Variants in TG observed in about 807,000 individuals in gnomAD.
TG encodes the protein thyroid hormones.
A neutral mutation model predicts 324.7 loss-of-function variants in TG; 270 were observed. The ratio of observed to expected loss-of-function variants is 0.83; its 90% CI spans 0.75 to 0.92. TG has a LOEUF of 0.92. Among genes scored for constraint, TG ranks in the 40% least tolerant of loss-of-function variants. TG has a pLI of 0.00. For synonymous variants in TG, 1,401 were observed against 1,327.0 expected, an observed-to-expected ratio of 1.06 and a Z score of -1.21; for missense variants, 3,591 against 3,456.4, an observed-to-expected ratio of 1.04 and a Z score of -0.98.
chr8:132,916,488 G>A (rs1820303814), intron 20 of TG, among the ~76,000 whole-genome samples: 1 of 152,134 alleles, frequency 6.6e-6, no homozygotes, highest in African/African-American at 2.4e-5. Context: ...TCTGGGACAT[G>A]GCCTTGATGT....
chr8:133,048,577 C>T (rs972395892), intron 41 of TG: 3 of 156,370 alleles, frequency 1.9e-5, no homozygotes, highest in African/African-American at 7.2e-5. Context: ...GATTGGTAGC[C>T]TCATAGGGTC....
chr8:132,993,499 C>T (rs1832582250), intron 35 of TG, among the ~76,000 whole-genome samples: 1 of 152,192 alleles, frequency 6.6e-6, no homozygotes, highest in East Asian at 1.9e-4. Context: ...AATGGCTGTA[C>T]TCAATGCTCA....
chr8:132,932,928 T>G (rs1254441019), intron 23 of TG, among the ~76,000 whole-genome samples: 1 of 152,178 alleles, frequency 6.6e-6, no homozygotes, highest in Non-Finnish European at 1.5e-5. Context: ...AAGGTTTAAT[T>G]TAGGCAGATA....
chr8:132,891,289 G>A (rs1345671522), intron 10 of TG, among the ~76,000 whole-genome samples: 1 of 152,012 alleles, frequency 6.6e-6, no homozygotes, highest in Non-Finnish European at 1.5e-5. Flanking sequence ...AGGAGGGGAG[G>A]GGATGCAGGA....
chr8:132,900,523 C>T lies in TG; in HGVS notation c.3433+184C>T, dbSNP rs529003336. On this transcript the variant is annotated intron_variant, in intron 15 of 47. Coordinates refer to ENST00000220616, the MANE Select transcript of TG (RefSeq NM_003235.5). ...TCGGGGCAATATTCCCCCATCTCTGCAGTTTCTTGGGAGAAGCAAACGTGG... is the reference window on the plus strand; with the variant it reads ...TCGGGGCAATATTCCCCCATCTCTGTAGTTTCTTGGGAGAAGCAAACGTGG... Among the ~76,000 whole-genome samples the T allele has an allele frequency of 3.9e-5, 6 of 152,316 alleles. No homozygotes were observed. The South Asian group carries it at 1.0e-3, about 26-fold the overall frequency.
intron 43 of TG, among the ~76,000 whole-genome samples, chr8:133,111,576 C>CAGACT (rs1207306969): frequency 9.9e-5 from 15 of 152,096 alleles, no homozygotes; most frequent in African/African-American, 3.6e-4. Flanking sequence ...ATTTTTTGAA[C>CAGACT]AGACTAGACT....
Position 132,929,095 on chromosome 8 carries a change from G to A in TG, c.4719G>A (p.Lys1573=). The change falls in exon 23 of 48, where the codon AAG becomes AAA. Residue 1573 remains lysine (K), a synonymous_variant. Transcript: ENST00000220616. ...TTTTAGTGATGCAGAAGTTTGAGAA[G>A]GTTCCAGAATCAAAGGTGATCTTCG... ...SQCLMMQKFE[K]VPESKVIFDA... is the part of the protein sequence containing the mutation. The A allele has an allele frequency of 6.2e-7, 1 of 1,614,036 alleles. No homozygotes were observed. Among genetic ancestry groups the A allele is most frequent in the Non-Finnish European group, 8.5e-7 (1 of 1,180,012 alleles).
intron 45 of TG, among the ~76,000 whole-genome samples, chr8:133,118,414 T>A (rs970783060): frequency 6.0e-5 from 8 of 134,292 alleles, no homozygotes; most frequent in Admixed American, 5.2e-4. Context: ...AACCTCCACC[T>A]CCCGGATTCA....
intron 25 of TG, 117 bp from the exon 26 acceptor site, chr8:132,941,234 C>G: frequency 8.0e-7 from 1 of 1,255,204 alleles, no homozygotes; most frequent in Non-Finnish European, 1.2e-6. Flanking sequence ...TTGGCCCACA[C>G]GCTGCCTGGA....
At chr8:133,055,224 G>C (rs906899565) in intron 41 of TG, among the ~76,000 whole-genome samples, 1 of 152,098 alleles carries the variant, frequency 6.6e-6, no homozygotes, top group Admixed American at 6.5e-5. Context: ...AGGGCAACTG[G>C]TGGGTAGGGA....
At chr8:133,043,349 G>T (rs566585348) in intron 41 of TG, among the ~76,000 whole-genome samples, 3 of 152,136 alleles carry the variant, frequency 2.0e-5, no homozygotes, top group Non-Finnish European at 4.4e-5. Context: ...CACCCCCTCC[G>T]ATGGTTGTTA....
rs532244675 is a variant in TG, at chr8:132,898,283, C to G, written c.3217+37C>G. ...CTGCAGAGTTCTCCTCCTGACCCCC[C>G]TTGGTGGGCATCACTGGTCTAGTCA... On this transcript the variant is annotated intron_variant, in intron 13 of 47. Coordinates refer to ENST00000220616, the MANE Select transcript of TG (RefSeq NM_003235.5). 4.5e-6 allele frequency: 7 copies of G among 1,550,684 alleles called. No individual in the cohort carries two copies. In the East Asian group the frequency reaches 1.2e-4, roughly 26 times the overall value.
chr8:132,908,359 C>T lies in TG; in HGVS notation c.4002+19C>T, dbSNP rs771210099. 3.3e-6 allele frequency: 5 copies of T among 1,520,696 alleles called. No individual in the cohort carries two copies. Among genetic ancestry groups the T allele is most frequent in the African/African-American group, 1.5e-5 (1 of 65,364 alleles). The allele number at this position is 1,520,696 out of a possible 1,614,324, so 94.2% of individuals were successfully genotyped here. On this transcript the variant is annotated intron_variant, in intron 18 of 47. Coordinates refer to ENST00000220616, the MANE Select transcript of TG (RefSeq NM_003235.5). ...GATCCAGGTACATGCCTGGCCTTCC[C>T]CACAGTGAGGGCTTGGACTCAACTC...
intron 28 of TG, 95 bp from the exon 29 acceptor site, chr8:132,962,899 C>T: frequency 8.8e-7 from 1 of 1,138,928 alleles, no homozygotes; most frequent in African/African-American, 1.5e-5. Context: ...GGCTTTAGGG[C>T]CTGATTTTTC....
intron 41 of TG, among the ~76,000 whole-genome samples, chr8:133,068,328 C>A (rs1178945904): frequency 6.6e-6 from 1 of 152,200 alleles, no homozygotes; most frequent in African/African-American, 2.4e-5. Flanking sequence ...CTTGAGTGCC[C>A]AGGAGGGGAT....
In TG at chr8:132,901,695, C is replaced by T. The variant is rs200542908; in HGVS notation, c.3634+142C>T. The T allele has an allele frequency of 3.1e-4, 276 of 892,944 alleles. 1 individual carries two copies. In the East Asian group the frequency reaches 6.7e-3, roughly 22 times the overall value. 55.3% of individuals were successfully genotyped at this position (892,944 alleles called of 1,614,324 possible). A position where few individuals can be genotyped will look rare whatever the true frequency, so the allele number is the denominator to read the frequency against. ...AGGAGGGATGTAGTTGTGGTTGAGT[C>T]CCTTCGTGTGAAAACTTACATCTAC... On this transcript the variant is annotated intron_variant, in intron 16 of 47. Transcript: ENST00000220616.
chr8:133,045,178 A>G, intron 41 of TG: 1 of 1,583,204 alleles, frequency 6.3e-7, no homozygotes, highest in Non-Finnish European at 8.6e-7. Flanking sequence ...CACCCAGCTA[A>G]CCAGCCCACC....
Position 132,869,873 on chromosome 8 carries a change from A to T in TG, c.274+47A>T, listed in dbSNP as rs2294000. The T allele has an allele frequency of 6.2e-4, 974 of 1,562,678 alleles. 15 individuals carry two copies. The East Asian group carries it at 0.018, about 29-fold the overall frequency. On this transcript the variant is annotated intron_variant, in intron 3 of 47. Coordinates refer to ENST00000220616, the MANE Select transcript of TG (RefSeq NM_003235.5). ...CCCTTGGAGGGACCCTGCTAGGACA[A>T]CTCACTTCCAGGAATGAGCACTGGG... is the stretch of plus-strand genomic sequence containing the variant.
At position 133,095,298 on chromosome 8, in the gene TG, C is replaced by T. The variant is rs189685854; in HGVS notation, c.7404+90C>T. On this transcript the variant is annotated intron_variant, in intron 42 of 47. Coordinates refer to ENST00000220616, the MANE Select transcript of TG (RefSeq NM_003235.5). ...CCTAGGAAGGAGGTGTCACCCACCCCAGCCATACCACACATGAGGCTGATG... is the reference window on the plus strand; with the variant it reads ...CCTAGGAAGGAGGTGTCACCCACCCTAGCCATACCACACATGAGGCTGATG... 377 of 1,566,606 alleles carry T rather than the reference C, an allele frequency of 2.4e-4. No individual in the cohort carries two copies. The African/African-American group carries it at 4.7e-3, about 20-fold the overall frequency.
Sources: allele counts gnomAD v4.1 joint callset (sites outside exome capture counted in the v4.1 genomes callset), GRCh38; gene constraint gnomAD v4.1.1; transcripts MANE v1.5; gene names NCBI Gene and HGNC (gene_info 2026-07-23, HGNC 2026-07-21).